FHIP2A: variants seen among roughly 807,000 people sequenced by gnomAD.
FHIP2A encodes the protein FHF complex subunit HOOK interacting protein 2A.
A neutral mutation model predicts 93.5 loss-of-function variants in FHIP2A; 46 were observed. The ratio of observed to expected loss-of-function variants is 0.49; its 90% CI spans 0.39 to 0.63. The LOEUF is 0.63. Among genes scored for constraint, FHIP2A ranks in the 20% least tolerant of loss-of-function variants. The pLI is 0.00. For synonymous variants in FHIP2A, 332 were observed against 326.5 expected (o/e 1.02, Z -0.18); for missense variants, 769 against 909.7 (o/e 0.85, Z 1.99).
chr10:114,856,028 A>G (rs2083764570), intron 14 of FHIP2A, among the ~76,000 whole-genome samples: 1 of 152,210 alleles, frequency 6.6e-6, no homozygotes, highest in Admixed American at 6.5e-5. Flanking sequence ...GAACACAACT[A>G]GCATAGTACT....
chr10:114,875,886 AAGAG>A lies in FHIP2A; in HGVS notation c.2192+14558_2192+14561del, dbSNP rs762930127. Among the ~76,000 whole-genome samples the A allele has an allele frequency of 2.1e-4, 29 of 138,060 alleles. 2 individuals are homozygous for A. The highest frequency in any genetic ancestry group is 8.0e-4 in the South Asian group (3 of 3,766). The allele number at this position is 138,060 out of a possible 152,430, so 90.6% of individuals were successfully genotyped here. A position where few individuals can be genotyped will look rare whatever the true frequency, so the allele number is the denominator to read the frequency against. The stretch of plus-strand genomic sequence containing the variant: ...GAAAGAAAGAGAAAGAAAGAAAAGA[AAGAG>A]AGAGAAAGAAATAAAGAAAGAGAAA... On this transcript the variant is annotated intron_variant, in intron 16 of 16. Transcript: ENST00000369250.
At chr10:114,880,186 G>A (rs573307041) in intron 16 of FHIP2A, among the ~76,000 whole-genome samples, 3 of 152,292 alleles carry the variant, frequency 2.0e-5, no homozygotes, top group South Asian at 2.1e-4. Flanking sequence ...GTAAACTTGG[G>A]CTTGCCTAAG....
At chr10:114,896,311 G>C (rs923654754) in intron 16 of FHIP2A, among the ~76,000 whole-genome samples, 1 of 152,082 alleles carries the variant, frequency 6.6e-6, no homozygotes, top group Non-Finnish European at 1.5e-5. Context: ...ACCCGATAAA[G>C]AACCTTGACC....
In FHIP2A at chr10:114,861,589, A is replaced by T; in HGVS notation, c.*49A>T. On this transcript the variant is annotated 3_prime_UTR_variant, in exon 17 of 17. Coordinates refer to ENST00000369248, the MANE Select transcript of FHIP2A (RefSeq NM_020940.4). ...GGAACAGAACTACTGTGTACATTTC[A>T]CCAAAAAAGACTCAGTTCCACCCAG... The T allele has an allele frequency of 1.3e-6, 2 of 1,592,930 alleles. No homozygotes were observed. Among genetic ancestry groups the T allele is most frequent in the Non-Finnish European group, 1.7e-6 (2 of 1,172,242 alleles).
intron 15 of FHIP2A, 39 bp downstream of exon 15, chr10:114,860,928 A>T: frequency 6.4e-7 from 1 of 1,561,080 alleles, no homozygotes; most frequent in Non-Finnish European, 8.8e-7. Flanking sequence ...AGGATTGATA[A>T]ATCTGTGCAA....
In FHIP2A at chr10:114,845,995, G is replaced by A. The variant is rs371782519; in HGVS notation, c.1129-18G>A. 7.5e-5 allele frequency: 117 copies of A among 1,552,044 alleles called. No individual in the cohort carries two copies. Among genetic ancestry groups the A allele is most frequent in the Non-Finnish European group, 9.7e-5 (110 of 1,139,446 alleles). ...CTTTTATATTAAAAAAAAAAATGAT[G>A]TTCCTACTATATTCTAGACTGCTGC... is the stretch of plus-strand genomic sequence containing the variant. On this transcript the variant is annotated intron_variant, in intron 8 of 16. Coordinates refer to ENST00000369248, the MANE Select transcript of FHIP2A (RefSeq NM_020940.4).
rs1406631175 is a variant in FHIP2A at position 114,846,072 on chromosome 10, A to G, written c.1188A>G (p.Glu396=). Residue 396 remains glutamate, a synonymous_variant, in exon 9 of 17, where the codon GAA becomes GAG. Coordinates refer to ENST00000369248, the MANE Select transcript of FHIP2A (RefSeq NM_020940.4). ...AAAGATTTTTCATTGGTGTTATGGA[A>G]CCTCAATTAATGCAAACGTGAGTAG... The part of the protein sequence containing the change: ...VHERFFIGVM[E]PQLMQTSEMG... 6.2e-7 allele frequency: 1 copy of G among 1,613,824 alleles called. No individual in the cohort carries two copies. The highest frequency in any genetic ancestry group is 8.5e-7 in the Non-Finnish European group (1 of 1,179,912).
intron 16 of FHIP2A, among the ~76,000 whole-genome samples, chr10:114,892,653 A>G (rs2083981667): frequency 1.3e-5 from 2 of 152,140 alleles, no homozygotes; most frequent in Non-Finnish European, 1.5e-5. Flanking sequence ...AATAATAATA[A>G]TAATGACAAA....
chr10:114,892,787 A>C (rs2083982313), intron 16 of FHIP2A, among the ~76,000 whole-genome samples: 1 of 152,198 alleles, frequency 6.6e-6, no homozygotes, highest in African/African-American at 2.4e-5. Flanking sequence ...AGAAACACAC[A>C]TTTTATCCAG....
chr10:114,864,701 A>G lies in FHIP2A; in HGVS notation c.*3161A>G, dbSNP rs957261068. On this transcript the variant is annotated 3_prime_UTR_variant, in exon 17 of 17. Coordinates refer to ENST00000369248, the MANE Select transcript of FHIP2A (RefSeq NM_020940.4). ...AGAGGGATGATCTAAAAAATAAATA[A>G]TGTAATTTAAACAAAACGTCTTATG... 1.3e-5 allele frequency: 13 copies of G among 983,822 alleles called. No homozygotes were observed. In the East Asian group the frequency reaches 1.2e-3, roughly 94 times the overall value. The allele number at this position is 983,822 out of a possible 1,614,324, so 60.9% of individuals were successfully genotyped here.
intron 16 of FHIP2A, among the ~76,000 whole-genome samples, chr10:114,897,901 C>T (rs2084008658): frequency 6.6e-6 from 1 of 152,174 alleles, no homozygotes; most frequent in South Asian, 2.1e-4. Context: ...AAGACTCTAT[C>T]TCAAAAACAA....
intron 16 of FHIP2A, among the ~76,000 whole-genome samples, chr10:114,876,125 G>A (rs995753712): frequency 1.8e-4 from 28 of 152,148 alleles, no homozygotes; most frequent in Non-Finnish European, 2.9e-4. Context: ...GCTTTGCCTT[G>A]GTGGCTCTGA....
At position 114,843,075 on chromosome 10, in the gene FHIP2A, C is replaced by A; in HGVS notation, c.665C>A (p.Thr222Lys). 1 of 1,614,084 alleles carries A rather than the reference C, an allele frequency of 6.2e-7. No homozygotes were observed. The highest frequency in any genetic ancestry group is 1.7e-5 in the Admixed American group (1 of 60,022). Reference sequence around the variant, plus strand: ...TCTGGTGCTACTGGAATGGAGCAAACAGAATTGGAAGATGAGCCTCCTCAT... The same window carrying A: ...TCTGGTGCTACTGGAATGGAGCAAAAAGAATTGGAAGATGAGCCTCCTCAT... ...ELSGATGMEQ[T>K]ELEDEPPHQM... The change falls in exon 6 of 17, where the codon ACA becomes AAA. Residue 222 changes from threonine (T) to lysine (K), a missense_variant. Physicochemically the swap from Thr to Lys is moderately conservative, Grantham distance 78 (BLOSUM62 -1). Transcript: ENST00000369248.
At chr10:114,842,722 T>A (rs1446663489) in intron 5 of FHIP2A, among the ~76,000 whole-genome samples, 1 of 152,212 alleles carries the variant, frequency 6.6e-6, no homozygotes, top group East Asian at 1.9e-4. Flanking sequence ...AAACATTTTG[T>A]AGTTAGTATG....
At chr10:114,852,712 A>C (rs1456322417) in intron 13 of FHIP2A, among the ~76,000 whole-genome samples, 1 of 152,176 alleles carries the variant, frequency 6.6e-6, no homozygotes, top group African/African-American at 2.4e-5. Context: ...AATCTCATTG[A>C]AGTGTGGATC....
downstream of FHIP2A, among the ~76,000 whole-genome samples, chr10:114,866,358 G>C (rs1002904567): frequency 1.3e-5 from 2 of 152,032 alleles, no homozygotes; most frequent in Non-Finnish European, 2.9e-5. Flanking sequence ...TCTTTATCCA[G>C]TCTATCATTG....
At chr10:114,877,672 C>T (rs1309587074) in intron 16 of FHIP2A, among the ~76,000 whole-genome samples, 3 of 152,026 alleles carry the variant, frequency 2.0e-5, no homozygotes, top group Non-Finnish European at 4.4e-5. Context: ...GTGGCAGGCA[C>T]CAAGGGAAAA....
chr10:114,893,708 T>A (rs1243316680), intron 16 of FHIP2A, among the ~76,000 whole-genome samples: 2 of 152,166 alleles, frequency 1.3e-5, no homozygotes, highest in Non-Finnish European at 2.9e-5. Flanking sequence ...TGTCCGTCCC[T>A]GTATGTGTGT....
chr10:114,872,567 A>G (rs557491622), intron 16 of FHIP2A, among the ~76,000 whole-genome samples: 2 of 152,186 alleles, frequency 1.3e-5, no homozygotes, highest in Admixed American at 1.3e-4. Context: ...TAATCTCTCC[A>G]GTTGGAAGAT....
Sources: allele counts gnomAD v4.1 joint callset (sites outside exome capture counted in the v4.1 genomes callset), GRCh38; gene constraint gnomAD v4.1.1; transcripts MANE v1.5; gene names NCBI Gene and HGNC (gene_info 2026-07-23, HGNC 2026-07-21).